FAAH2: variants seen among roughly 807,000 people sequenced by gnomAD.
FAAH2 encodes the protein fatty acid amide hydrolase 2, also known as fatty-acid amide hydrolase 2.
Under a neutral mutation model 36.9 loss-of-function variants are expected in FAAH2, and 60 were observed. The observed-to-expected ratio is 1.63, with a 90% CI of 1.32 to 2.02. The LOEUF is 2.02. Among genes scored for constraint, FAAH2 ranks in the 30% most tolerant of loss-of-function variants. The pLI, the probability that FAAH2 is intolerant of heterozygous loss-of-function variation, is 0.00. For synonymous variants in FAAH2, 214 were observed against 143.8 expected, an observed-to-expected ratio of 1.49 and a Z score of -3.49; for missense variants, 689 against 397.5, an observed-to-expected ratio of 1.73 and a Z score of -6.23.
At chrX:57,189,179 G>T in the FAAH2 span, among the ~76,000 whole-genome samples, 1 of 110,030 alleles carries the variant, frequency 9.1e-6, no homozygotes, top group Non-Finnish European at 1.9e-5. Context: ...GATCAGTTTG[G>T]CTGTTAATAC....
At chrX:57,483,016 A>G (rs1288207675) in intron 10 of FAAH2, among the ~76,000 whole-genome samples, 5 of 110,360 alleles carry the variant, frequency 4.5e-5, no homozygotes. Flanking sequence ...ATAATATCTC[A>G]CAGGTGTTCT....
chrX:57,222,020 G>A, the FAAH2 span, among the ~76,000 whole-genome samples: 2 of 110,782 alleles, frequency 1.8e-5, no homozygotes, highest in East Asian at 2.9e-4. Flanking sequence ...CCCAAAATGC[G>A]AGTATTAGGT....
the FAAH2 span, among the ~76,000 whole-genome samples, chrX:57,278,375 A>G: frequency 1.2e-4 from 13 of 111,891 alleles, no homozygotes; most frequent in African/African-American, 3.9e-4. Flanking sequence ...GTCTAGCCAT[A>G]TGTAGAAAGC....
At chrX:57,433,326 TG>T (rs1230550828) in intron 8 of FAAH2, among the ~76,000 whole-genome samples, 3 of 110,396 alleles carry the variant, frequency 2.7e-5, no homozygotes, top group Non-Finnish European at 5.8e-5. Flanking sequence ...GCTGGGATTA[TG>T]ATGCCAGATT....
At chrX:57,448,326 G>A (rs1054681211) in intron 9 of FAAH2, among the ~76,000 whole-genome samples, 198 bp from the exon 10 acceptor site, 4 of 112,401 alleles carry the variant, frequency 3.6e-5, no homozygotes. Flanking sequence ...CAGTAGCAGA[G>A]GCTAGAAATG....
chrX:57,290,979 T>C (rs752470652), intron 1 of FAAH2, among the ~76,000 whole-genome samples: 1 of 112,371 alleles, frequency 8.9e-6, no homozygotes, highest in East Asian at 2.8e-4. Flanking sequence ...TTTCTGGATA[T>C]GATAATTTGT....
At chrX:57,354,198 A>G (rs1404761114) in intron 5 of FAAH2, among the ~76,000 whole-genome samples, 1 of 111,236 alleles carries the variant, frequency 9.0e-6, no homozygotes, top group African/African-American at 3.3e-5. Context: ...AGTGTTCATC[A>G]ACATATGATT....
rs761387601 is a variant in FAAH2 at position 57,380,895 on chromosome X, T to C, written c.879-17T>C. 2 of 1,032,518 alleles carry C rather than the reference T, an allele frequency of 1.9e-6. No individual in the cohort carries two copies. Among genetic ancestry groups the C allele is most frequent in the African/African-American group, 3.8e-5 (2 of 52,294 alleles). 85.1% of individuals were successfully genotyped at this position (1,032,518 alleles called of 1,213,427 possible). A position where few individuals can be genotyped will look rare whatever the true frequency, so the allele number is the denominator to read the frequency against. On this transcript the variant is annotated splice_polypyrimidine_tract_variant and intron_variant, in intron 6 of 10. Coordinates refer to ENST00000374900, the MANE Select transcript of FAAH2 (RefSeq NM_174912.4). Reference sequence around the variant, plus strand: ...TAAATAATTTGTTGATGTCAGTTTCTTTTTAATCCTACACAGGTTAAAACT... The same window carrying C: ...TAAATAATTTGTTGATGTCAGTTTCCTTTTAATCCTACACAGGTTAAAACT...
the FAAH2 span, among the ~76,000 whole-genome samples, chrX:57,248,266 A>C: frequency 1.8e-5 from 2 of 111,986 alleles, no homozygotes; most frequent in Admixed American, 9.5e-5. Context: ...CCAACAGGTA[A>C]TTTTCTGCAT....
intron 2 of FAAH2, among the ~76,000 whole-genome samples, chrX:57,300,390 A>T (rs1304898464): frequency 1.8e-5 from 2 of 112,184 alleles, no homozygotes; most frequent in East Asian, 5.6e-4. Context: ...GTTCTGTGAA[A>T]ACCGGCTAGC....
intron 3 of FAAH2, 90 bp downstream of exon 3, chrX:57,310,819 T>C: frequency 2.1e-6 from 2 of 964,556 alleles, no homozygotes; most frequent in Non-Finnish European, 2.8e-6. Flanking sequence ...GGTATAAAAG[T>C]GAAGGACAAA....
chrX:57,402,873 C>T (rs1162504821), intron 7 of FAAH2, among the ~76,000 whole-genome samples: 1 of 112,027 alleles, frequency 8.9e-6, no homozygotes, highest in African/African-American at 3.2e-5. Flanking sequence ...TATTCTCTTT[C>T]CTCTGTTGTC....
At chrX:57,393,281 G>T in intron 7 of FAAH2, 1 of 1,115,066 alleles carries the variant, frequency 9.0e-7, no homozygotes, top group South Asian at 1.8e-5. Flanking sequence ...CTCTATGTAA[G>T]CCTTGGGAAG....
At chrX:57,400,800 G>A (rs1056432739) in intron 7 of FAAH2, among the ~76,000 whole-genome samples, 9 of 112,399 alleles carry the variant, frequency 8.0e-5, no homozygotes, top group Admixed American at 7.5e-4. Flanking sequence ...TGGAAACCTT[G>A]TAGCCACAGG....
At chrX:57,418,263 C>T (rs143047120) in intron 7 of FAAH2, among the ~76,000 whole-genome samples, 1,650 of 111,096 alleles carry the variant, frequency 0.015, 33 homozygotes, top group African/African-American at 0.048. Context: ...GTGTTCCAGG[C>T]GCCACCGGGC....
the FAAH2 span, among the ~76,000 whole-genome samples, chrX:57,229,995 C>A: frequency 2.3e-3 from 258 of 111,857 alleles, 1 homozygote; most frequent in Non-Finnish European, 4.3e-3. Context: ...AGCTAATGAG[C>A]ACTAGTACTA....
chrX:57,320,362 A>G (rs1161125934), intron 3 of FAAH2, among the ~76,000 whole-genome samples: 1 of 112,362 alleles, frequency 8.9e-6, no homozygotes, highest in African/African-American at 3.2e-5. Context: ...GGTGAAGGAT[A>G]TGAATAGACA....
the FAAH2 span, among the ~76,000 whole-genome samples, chrX:57,235,712 T>C: frequency 8.9e-6 from 1 of 112,219 alleles, no homozygotes; most frequent in Non-Finnish European, 1.9e-5. Flanking sequence ...TTTATTTTGT[T>C]TATAATTGGC....
intron 4 of FAAH2, among the ~76,000 whole-genome samples, chrX:57,340,788 G>A (rs927160721): frequency 9.0e-6 from 1 of 110,930 alleles, no homozygotes; most frequent in Admixed American, 9.7e-5. Context: ...ACACACTTGG[G>A]CCTGTTGGGG....
Sources: gnomAD v4.1 joint callset for allele counts (sites outside exome capture counted in the v4.1 genomes callset) on GRCh38, gnomAD v4.1.1 for gene constraint, MANE v1.5 for transcripts, NCBI Gene and HGNC (gene_info 2026-07-23, HGNC 2026-07-21) for gene names.